RBFOX3: variants seen among roughly 807,000 people sequenced by gnomAD.
RBFOX3 encodes the protein RNA binding fox-1 homolog 3.
In RBFOX3, 17 loss-of-function variants were observed where a neutral mutation model predicts 48.7. That is an observed-to-expected ratio of 0.35 (90% confidence interval 0.24 to 0.52). The LOEUF is 0.52. Ranked by LOEUF, RBFOX3 falls within the 20% of genes least tolerant of loss-of-function variation. The probability of loss-of-function intolerance (pLI) is 0.94; values close to 1 mark genes in which losing one functional copy is unlikely to be tolerated. For missense variants in RBFOX3, 382 were observed against 497.5 expected (o/e 0.77, Z 2.21); for synonymous variants, 212 against 209.5 (o/e 1.01, Z -0.10).
intron 1 of RBFOX3, among the ~76,000 whole-genome samples, chr17:79,526,652 C>T (rs1044762871): frequency 5.3e-5 from 8 of 152,198 alleles, no homozygotes; most frequent in African/African-American, 1.9e-4. Flanking sequence ...CCGTCCCAGA[C>T]AAACCAAGTC....
chr17:79,364,849 G>A lies in RBFOX3; in HGVS notation c.-174-57025C>T, dbSNP rs1352961610. Among the ~76,000 whole-genome samples, 7 of 152,174 alleles carry A rather than the reference G, an allele frequency of 4.6e-5. No homozygotes were observed. The highest frequency in any genetic ancestry group is 7.4e-5 in the Non-Finnish European group (5 of 68,016). On this transcript the variant is annotated intron_variant, in intron 2 of 14. Coordinates refer to ENST00000693108, the MANE Select transcript of RBFOX3 (RefSeq NM_001350451.2). This position sits in a 1 kb window ranked among gnomAD's most constrained non-coding sequence, Gnocchi z 5.1. ...TACAGCCTGGGTTGCTCCCTCAGCT[G>A]GAGAGGCTACCTTGTGTGGCCAGAA...
intron 3 of RBFOX3, among the ~76,000 whole-genome samples, chr17:79,306,705 C>G (rs1487793360): frequency 6.6e-6 from 1 of 152,226 alleles, no homozygotes; most frequent in African/African-American, 2.4e-5. Flanking sequence ...GCCCTGCCTA[C>G]CTCCCTCTCT....
At chr17:79,458,561 A>C (rs2074921847) in intron 2 of RBFOX3, among the ~76,000 whole-genome samples, 2 of 151,878 alleles carry the variant, frequency 1.3e-5, no homozygotes, top group South Asian at 4.2e-4. Context: ...GAACTGCTGC[A>C]TCAGCACAAA....
intron 4 of RBFOX3, among the ~76,000 whole-genome samples, chr17:79,169,326 G>A (rs1335321236): frequency 2.6e-5 from 4 of 152,132 alleles, no homozygotes; most frequent in African/African-American, 9.7e-5. Context: ...GTAGCGGTGA[G>A]GATTCCATAT....
intron 9 of RBFOX3, among the ~76,000 whole-genome samples, chr17:79,101,021 C>T (rs970110785): frequency 6.6e-6 from 1 of 152,070 alleles, no homozygotes; most frequent in Admixed American, 6.5e-5. Flanking sequence ...CTGAGCACCT[C>T]CCCCCGGGCC....
chr17:79,472,470 C>A (rs1237887572), intron 2 of RBFOX3, among the ~76,000 whole-genome samples: 1 of 152,128 alleles, frequency 6.6e-6, no homozygotes, highest in Non-Finnish European at 1.5e-5. Context: ...TCCACTCTGA[C>A]CAGTGTCCTT....
the RBFOX3 span, among the ~76,000 whole-genome samples, chr17:79,654,015 G>T: frequency 6.6e-6 from 1 of 151,526 alleles, no homozygotes; most frequent in Non-Finnish European, 1.5e-5. Flanking sequence ...GTATGATTTT[G>T]AAAGAAATAC....
At chr17:79,662,124 T>C in the RBFOX3 span, among the ~76,000 whole-genome samples, 1 of 98,110 alleles carries the variant, frequency 1.0e-5, no homozygotes, top group Non-Finnish European at 2.2e-5. Context: ...TCAAGCTTCC[T>C]GTTTATTCTT....
At chr17:79,539,013 C>T (rs1156908157) in intron 1 of RBFOX3, among the ~76,000 whole-genome samples, 1 of 152,054 alleles carries the variant, frequency 6.6e-6, no homozygotes, top group African/African-American at 2.4e-5. Flanking sequence ...TGGGGAAATG[C>T]AATTAAAATG....
intron 2 of RBFOX3, among the ~76,000 whole-genome samples, chr17:79,432,503 G>A (rs1384515229): frequency 1.3e-5 from 2 of 152,166 alleles, no homozygotes; most frequent in Non-Finnish European, 1.5e-5. Context: ...CACTTCCCAA[G>A]GGTCGCGAGC....
intron 1 of RBFOX3, among the ~76,000 whole-genome samples, chr17:79,590,729 T>C (rs2093392129): frequency 6.6e-6 from 1 of 152,170 alleles, no homozygotes; most frequent in African/African-American, 2.4e-5. Flanking sequence ...GCCTTCTCCC[T>C]GGATGCTGCG....
intron 4 of RBFOX3, among the ~76,000 whole-genome samples, chr17:79,206,446 G>A (rs1347252101): frequency 6.6e-6 from 1 of 152,178 alleles, no homozygotes; most frequent in Non-Finnish European, 1.5e-5. Context: ...GTCTCATTGA[G>A]AGACACAGCA....
At position 79,262,187 on chromosome 17, in the gene RBFOX3, C is replaced by T. The variant is rs577195085; in HGVS notation, c.-73-26382G>A. On this transcript the variant is annotated intron_variant, in intron 3 of 14. Coordinates refer to ENST00000693108, the MANE Select transcript of RBFOX3 (RefSeq NM_001350451.2). ...GCTCTGTACACACAATGTGGCTAAGCGGCGGCCAGGCCAAGCCCGAGATGC... is the reference window on the plus strand; with the variant it reads ...GCTCTGTACACACAATGTGGCTAAGTGGCGGCCAGGCCAAGCCCGAGATGC... Among the ~76,000 whole-genome samples the T allele has an allele frequency of 2.4e-3, 371 of 152,368 alleles. 2 individuals carry two copies. The highest frequency in any genetic ancestry group is 8.5e-3 in the African/African-American group (354 of 41,586).
At chr17:79,339,954 C>A (rs996149548) in intron 2 of RBFOX3, among the ~76,000 whole-genome samples, 2 of 152,198 alleles carry the variant, frequency 1.3e-5, no homozygotes, top group Non-Finnish European at 2.9e-5. Flanking sequence ...CCTGCTGATG[C>A]CCCCTGTTCT....
intron 3 of RBFOX3, among the ~76,000 whole-genome samples, chr17:79,286,017 T>C (rs370530997): frequency 6.6e-6 from 1 of 152,160 alleles, no homozygotes; most frequent in African/African-American, 2.4e-5. Context: ...GGTACATCTG[T>C]CCTACACAGA....
At chr17:79,566,175 G>C (rs2092447318) in intron 1 of RBFOX3, among the ~76,000 whole-genome samples, 1 of 152,020 alleles carries the variant, frequency 6.6e-6, no homozygotes, top group African/African-American at 2.4e-5. Context: ...CACATCTCTA[G>C]AGACCTCCCT....
the RBFOX3 span, among the ~76,000 whole-genome samples, chr17:79,632,208 A>G: frequency 9.8e-5 from 15 of 152,348 alleles, no homozygotes; most frequent in Middle Eastern, 3.4e-3. Context: ...ACAGAATTTA[A>G]TATTTGAAAG....
chr17:79,380,715 G>T (rs1306693420), intron 2 of RBFOX3, among the ~76,000 whole-genome samples: 1 of 152,174 alleles, frequency 6.6e-6, no homozygotes, highest in African/African-American at 2.4e-5. Context: ...GTGAGCAATG[G>T]ATCCACAGTG....
rs34013438 is a variant in RBFOX3, at chr17:79,451,963, AG to A, written c.-175+30490del. 2.6e-5 allele frequency among the ~76,000 whole-genome samples: 4 copies of A among 152,160 alleles called. No individual in the cohort carries two copies. In the East Asian group the frequency reaches 7.7e-4, roughly 29 times the overall value. ...TGGCACCCTCATCCACACAAATTAC[AG>A]GGGGGTACCAACACCCGCAGGGCTC... On this transcript the variant is annotated intron_variant, in intron 2 of 14. Coordinates refer to ENST00000693108, the MANE Select transcript of RBFOX3 (RefSeq NM_001350451.2).
Sources: allele counts gnomAD v4.1 joint callset (sites outside exome capture counted in the v4.1 genomes callset), GRCh38; gene constraint gnomAD v4.1.1; non-coding constraint Gnocchi (gnomAD v3.1); transcripts MANE v1.5; gene names NCBI Gene and HGNC (gene_info 2026-07-23, HGNC 2026-07-21).